KITLG: variants seen among roughly 807,000 people sequenced by gnomAD.
KITLG encodes KIT ligand, also known as c-Kit ligand.
In KITLG, 13 loss-of-function variants were observed where a neutral mutation model predicts 34.1. That is an observed-to-expected ratio of 0.38 (90% CI 0.25 to 0.61). The LOEUF (loss-of-function observed/expected upper bound fraction) is 0.61. KITLG is among the 20% of genes least tolerant of loss of function. The probability of loss-of-function intolerance (pLI) is 0.60; values close to 1 mark genes in which losing one functional copy is unlikely to be tolerated. For missense variants in KITLG, 292 were observed against 318.9 expected (o/e 0.92, Z 0.64); for synonymous variants, 110 against 104.0 (o/e 1.06, Z -0.35).
intron 1 of KITLG, among the ~76,000 whole-genome samples, chr12:88,568,200 G>A (rs968003232): frequency 1.8e-4 from 28 of 152,030 alleles, no homozygotes; most frequent in Non-Finnish European, 3.5e-4. Flanking sequence ...TGTGTCTGCT[G>A]GCATAATCCA....
chr12:88,498,901 G>A (rs1253044336), intron 9 of KITLG, among the ~76,000 whole-genome samples: 1 of 152,146 alleles, frequency 6.6e-6, no homozygotes, highest in African/African-American at 2.4e-5. Flanking sequence ...AAGAAAGAGA[G>A]AGAGAGAGAA....
chr12:88,514,075 C>T (rs1158593584), intron 6 of KITLG, among the ~76,000 whole-genome samples: 3 of 151,524 alleles, frequency 2.0e-5, no homozygotes, highest in Admixed American at 6.6e-5. Context: ...TCAAACAACG[C>T]ACTTTTATAT....
At chr12:88,566,832 AAGAACCTTTAAAATT>A (rs1454028825) in intron 1 of KITLG, among the ~76,000 whole-genome samples, 1 of 152,162 alleles carries the variant, frequency 6.6e-6, no homozygotes, top group Non-Finnish European at 1.5e-5. Flanking sequence ...GTGCATTAGA[AAGAACCTTTAAAATT>A]ATAGGATCTA....
intron 9 of KITLG, among the ~76,000 whole-genome samples, chr12:88,500,922 G>T (rs1868828730): frequency 6.6e-6 from 1 of 152,044 alleles, no homozygotes; most frequent in Admixed American, 6.6e-5. Flanking sequence ...TGAGACCATA[G>T]GTGCATACCA....
At chr12:88,531,864 A>G (rs1250467626) in intron 3 of KITLG, among the ~76,000 whole-genome samples, 1 of 152,156 alleles carries the variant, frequency 6.6e-6, no homozygotes, top group Non-Finnish European at 1.5e-5. Context: ...CAATAAGAAA[A>G]CATAAAGCAA....
In KITLG at chr12:88,545,394, T is replaced by C. The variant is rs147178465; in HGVS notation, c.129+358A>G. 3.7e-3 allele frequency among the ~76,000 whole-genome samples: 561 copies of C among 152,230 alleles called. 3 individuals are homozygous for C. Among genetic ancestry groups the C allele is most frequent in the South Asian group, 1.0e-2 (48 of 4,820 alleles). ...GAGTAGGAAGACATGTGAAGGGGAA[T>C]AGAACATGCTGGGAAACCCACTGGA... On this transcript the variant is annotated intron_variant, in intron 2 of 9. Transcript: ENST00000644744.
intron 1 of KITLG, among the ~76,000 whole-genome samples, chr12:88,579,494 G>A (rs1490970424): frequency 6.6e-6 from 1 of 152,188 alleles, no homozygotes; most frequent in Non-Finnish European, 1.5e-5. Context: ...CCCCCAGGCA[G>A]CGCTTTACCC....
chr12:88,550,155 G>A (rs146733815), intron 1 of KITLG, among the ~76,000 whole-genome samples: 1 of 152,328 alleles, frequency 6.6e-6, no homozygotes, highest in Non-Finnish European at 1.5e-5. Flanking sequence ...CTGTTTTGAA[G>A]AGTTTTCCTT....
rs559915329 is a variant in KITLG, at chr12:88,530,066, C to CA, written c.192+2374dup. 9.9e-5 allele frequency among the ~76,000 whole-genome samples: 15 copies of CA among 152,278 alleles called. No individual in the cohort carries two copies. The East Asian group carries it at 2.5e-3, about 25-fold the overall frequency. On this transcript the variant is annotated intron_variant, in intron 3 of 9. Transcript: ENST00000644744. ...AGCATATTCTATGATTATACCAGCA[C>CA]AAAAAATTCTATTTAGTTGTTTTCA... is the stretch of plus-strand genomic sequence containing the variant.
chr12:88,541,077 A>G (rs1404842067), intron 2 of KITLG, among the ~76,000 whole-genome samples: 1 of 152,172 alleles, frequency 6.6e-6, no homozygotes, highest in Non-Finnish European at 1.5e-5. Context: ...ATTCTACTTG[A>G]GAACAATAAT....
chr12:88,516,137 A>G (rs1314398586), intron 5 of KITLG, among the ~76,000 whole-genome samples, 197 bp downstream of exon 5: 1 of 151,858 alleles, frequency 6.6e-6, no homozygotes, highest in Non-Finnish European at 1.5e-5. Flanking sequence ...CTAATTTGAA[A>G]CTGATGAATA....
intron 3 of KITLG, among the ~76,000 whole-genome samples, chr12:88,522,867 A>C (rs745342778): frequency 1.3e-5 from 2 of 152,166 alleles, no homozygotes; most frequent in African/African-American, 4.8e-5. Context: ...AGAGATATCT[A>C]TGTTCTTTCT....
At chr12:88,524,658 T>A (rs1869799391) in intron 3 of KITLG, among the ~76,000 whole-genome samples, 1 of 152,124 alleles carries the variant, frequency 6.6e-6, no homozygotes, top group African/African-American at 2.4e-5. Context: ...TGTATTTCTA[T>A]CAGAGAATAA....
chr12:88,527,987 T>C (rs1478979336), intron 3 of KITLG, among the ~76,000 whole-genome samples: 2 of 152,180 alleles, frequency 1.3e-5, no homozygotes, highest in African/African-American at 4.8e-5. Context: ...TTATTATTGC[T>C]GCTATAACAA....
At chr12:88,546,387 C>T (rs1454659247) in intron 1 of KITLG, among the ~76,000 whole-genome samples, 2 of 152,084 alleles carry the variant, frequency 1.3e-5, no homozygotes, top group African/African-American at 4.8e-5. Context: ...TGTGAGACAT[C>T]AAAAGAATAT....
chr12:88,557,656 T>G (rs1871140939), intron 1 of KITLG, among the ~76,000 whole-genome samples: 1 of 152,170 alleles, frequency 6.6e-6, no homozygotes, highest in African/African-American at 2.4e-5. Context: ...GCTAGGTTTA[T>G]ATATCTACCG....
intron 1 of KITLG, among the ~76,000 whole-genome samples, chr12:88,565,429 A>T (rs1871412148): frequency 6.6e-6 from 1 of 152,212 alleles, no homozygotes; most frequent in Non-Finnish European, 1.5e-5. Flanking sequence ...GATCGAGACC[A>T]TCCTGGCCAA....
intron 3 of KITLG, 112 bp from the exon 4 acceptor site, chr12:88,518,979 C>T (rs753793753): frequency 1.1e-6 from 1 of 947,102 alleles, no homozygotes; most frequent in Non-Finnish European, 1.6e-6. Flanking sequence ...TCTCCTGCCT[C>T]AGCCTCTCGA....
At chr12:88,571,705 G>A (rs957436356) in intron 1 of KITLG, among the ~76,000 whole-genome samples, 17 of 152,128 alleles carry the variant, frequency 1.1e-4, no homozygotes, top group African/African-American at 3.9e-4. Flanking sequence ...ACTCTTTGAG[G>A]CAACTGCAAT....
Sources: gnomAD v4.1 joint callset for allele counts (sites outside exome capture counted in the v4.1 genomes callset) on GRCh38, gnomAD v4.1.1 for gene constraint, MANE v1.5 for transcripts, NCBI Gene and HGNC (gene_info 2026-07-23, HGNC 2026-07-21) for gene names.